Variants in KIAA1671 observed in about 807,000 individuals in gnomAD.
KIAA1671 encodes uncharacterized protein KIAA1671.
Under a neutral mutation model 131.2 loss-of-function variants are expected in KIAA1671, and 52 were observed. That is an observed-to-expected ratio of 0.40 (90% CI 0.32 to 0.50). KIAA1671 has a LOEUF of 0.50. Ranked by LOEUF, KIAA1671 falls within the 20% of genes least tolerant of loss-of-function variation. KIAA1671 has a pLI of 0.73. For missense variants in KIAA1671, 2,360 were observed against 2,364.2 expected (o/e 1.00, Z 0.04); for synonymous variants, 1,003 against 961.6 (o/e 1.04, Z -0.80).
intron 6 of KIAA1671, among the ~76,000 whole-genome samples, chr22:25,169,477 G>A (rs1443527434): frequency 6.6e-6 from 1 of 150,832 alleles, no homozygotes; most frequent in Non-Finnish European, 1.5e-5. Context: ...CAAAGCTCAG[G>A]CAGCCAAGGC....
intron 6 of KIAA1671, chr22:25,059,277 G>C (rs1928024398): frequency 1.3e-5 from 2 of 152,206 alleles, no homozygotes; most frequent in East Asian, 3.9e-4. Flanking sequence ...GATCAGCCTG[G>C]CCAACATGGT....
chr22:25,138,892 A>T (rs1932763079), intron 6 of KIAA1671, among the ~76,000 whole-genome samples: 1 of 152,176 alleles, frequency 6.6e-6, no homozygotes, highest in Admixed American at 6.5e-5. Flanking sequence ...TGCTTCCATG[A>T]CCCAGGAAAC....
chr22:25,027,913 A>C (rs1926037442), intron 2 of KIAA1671, 32 bp from the exon 3 acceptor site: 1 of 1,112,390 alleles, frequency 9.0e-7, no homozygotes. Flanking sequence ...CTGTTTTCCA[A>C]ATTTACTTGT....
At chr22:25,184,190 G>A (rs867680970) in intron 10 of KIAA1671, among the ~76,000 whole-genome samples, 2 of 152,240 alleles carry the variant, frequency 1.3e-5, no homozygotes, top group African/African-American at 4.8e-5. Flanking sequence ...GGGCAGACCC[G>A]GTGTGAATCC....
At chr22:25,145,526 C>T (rs1932864079) in intron 6 of KIAA1671, among the ~76,000 whole-genome samples, 1 of 152,232 alleles carries the variant, frequency 6.6e-6, no homozygotes, top group South Asian at 2.1e-4. Flanking sequence ...CTCCAGGTTT[C>T]CTTTGAACAT....
At position 25,177,396 on chromosome 22, in the gene KIAA1671, A is replaced by G; in HGVS notation, c.4948A>G (p.Ser1650Gly). The change falls in exon 9 of 13, where the codon AGC becomes GGC. Residue 1650 changes from serine to glycine, a missense_variant. By Grantham distance (56) the Ser-to-Gly change is moderately conservative. Around this residue, in one of 3 missense-constraint regions of KIAA1671, gnomAD observed 1,161 missense variants for 1,204.7 expected, o/e 0.96. Transcript: ENST00000358431. ...SSALKTRVQL[S>G]KRSRRRAPIS... ...TGCCCTCAAGACCCGGGTGCAGCTC[A>G]GCAAGAGAAGCCGCCGCCGGGCCCC... The G allele has an allele frequency of 6.4e-7, 1 of 1,551,712 alleles. No homozygotes were observed.
intron 6 of KIAA1671, among the ~76,000 whole-genome samples, chr22:25,150,639 G>A (rs920700623): frequency 5.3e-5 from 8 of 152,188 alleles, no homozygotes; most frequent in East Asian, 3.9e-4. Context: ...ACCAAGACTC[G>A]GGAAATAGAA....
rs548051765 is a variant in KIAA1671 at position 25,073,696 on chromosome 22, A to G, written c.4530+24332A>G. On this transcript the variant is annotated intron_variant, in intron 6 of 12. Transcript: ENST00000358431. The stretch of plus-strand genomic sequence containing the variant: ...TCCTCCCCCTACACCCCTCTGCCCC[A>G]TTCTGGGTTTGTTTGTTTTTTAGGT... Among the ~76,000 whole-genome samples the G allele has an allele frequency of 2.6e-5, 4 of 151,998 alleles. No individual in the cohort carries two copies. The South Asian group carries it at 8.3e-4, about 32-fold the overall frequency.
chr22:25,171,121 C>T (rs933451299), intron 7 of KIAA1671, among the ~76,000 whole-genome samples, 183 bp downstream of exon 7: 10 of 152,116 alleles, frequency 6.6e-5, no homozygotes, highest in South Asian at 2.1e-4. Flanking sequence ...GATTATGGGC[C>T]GGGTGCGGTG....
chr22:25,068,229 C>A (rs1928594985), intron 6 of KIAA1671, among the ~76,000 whole-genome samples: 1 of 152,090 alleles, frequency 6.6e-6, no homozygotes, highest in Non-Finnish European at 1.5e-5. Context: ...GCAGGGCCGG[C>A]CTTCTGACTG....
intron 6 of KIAA1671, among the ~76,000 whole-genome samples, chr22:25,085,236 C>T (rs1025347098): frequency 1.3e-5 from 2 of 152,212 alleles, no homozygotes; most frequent in Non-Finnish European, 2.9e-5. Context: ...TCTCAGCAGC[C>T]GATTCAAAGC....
At chr22:25,093,754 C>CTA (rs1423326393) in intron 6 of KIAA1671, among the ~76,000 whole-genome samples, 26 of 100,674 alleles carry the variant, frequency 2.6e-4, no homozygotes, top group African/African-American at 9.3e-4. Context: ...CTCTCTCTCT[C>CTA]TCTCTCTCTC....
chr22:25,046,604 A>G (rs1377237946), intron 5 of KIAA1671, among the ~76,000 whole-genome samples: 2 of 152,204 alleles, frequency 1.3e-5, no homozygotes, highest in African/African-American at 4.8e-5. Flanking sequence ...GATACCTGCC[A>G]TGCTTACATT....
chr22:24,993,444 A>C (rs547793592), intron 1 of KIAA1671, among the ~76,000 whole-genome samples: 6 of 152,092 alleles, frequency 3.9e-5, no homozygotes, highest in African/African-American at 1.4e-4. Flanking sequence ...CTGACTCTAG[A>C]CCTCATGGCT....
intron 6 of KIAA1671, among the ~76,000 whole-genome samples, chr22:25,096,533 G>T (rs1398361779): frequency 6.6e-6 from 1 of 152,142 alleles, no homozygotes; most frequent in Non-Finnish European, 1.5e-5. Context: ...TTTCCCATTT[G>T]TCTAAGACAT....
chr22:24,986,548 T>C (rs1923545598), intron 1 of KIAA1671, among the ~76,000 whole-genome samples: 2 of 152,020 alleles, frequency 1.3e-5, no homozygotes, highest in Admixed American at 1.3e-4. Flanking sequence ...TCCTGAATAT[T>C]TTCAATCAGT....
At chr22:24,994,419 C>T (rs1285722640) in intron 1 of KIAA1671, among the ~76,000 whole-genome samples, 1 of 152,094 alleles carries the variant, frequency 6.6e-6, no homozygotes, top group Non-Finnish European at 1.5e-5. Context: ...CCTCTGGGAG[C>T]CTATAGAACA....
intron 3 of KIAA1671, 40 bp downstream of exon 3, chr22:25,029,580 C>T: frequency 1.4e-6 from 2 of 1,406,680 alleles, no homozygotes; most frequent in South Asian, 1.4e-5. Context: ...CAGCCGCCCA[C>T]CCACACACCC....
rs375792383 is a variant in KIAA1671 at position 25,185,015 on chromosome 22, C to T, written c.5238C>T (p.Gly1746=). ...AGAGGCCAGAGGTGGACAGTCCTGG[C>T]GAGACCCCCAGCTGGGCACCCCAAC... ...LHKRPEVDSP[G]ETPSWAPQPK... Residue 1746 remains glycine (G), a synonymous_variant, in exon 11 of 13, where the codon GGC becomes GGT. Transcript: ENST00000358431. The T allele has an allele frequency of 2.7e-5, 42 of 1,551,582 alleles. No individual in the cohort carries two copies. In the Middle Eastern group the frequency reaches 5.1e-4, roughly 19 times the overall value.
Sources: allele counts gnomAD v4.1 joint callset (sites outside exome capture counted in the v4.1 genomes callset), GRCh38; gene constraint gnomAD v4.1.1; regional missense constraint gnomAD v4.1.1; transcripts MANE v1.5; gene names NCBI Gene and HGNC (gene_info 2026-07-23, HGNC 2026-07-21).